LIPA: variants seen among roughly 807,000 people sequenced by gnomAD.
LIPA encodes the protein lysosomal acid lipase/cholesteryl ester hydrolase.
A neutral mutation model predicts 40.6 loss-of-function variants in LIPA; 26 were observed. That is an observed-to-expected ratio of 0.64 (90% CI 0.47 to 0.89). The LOEUF is 0.89. LIPA is among the 40% of genes least tolerant of loss of function. The pLI, the probability that LIPA is intolerant of heterozygous loss-of-function variation, is 0.00. For missense variants in LIPA, 455 were observed against 479.6 expected (o/e 0.95, Z 0.48); for synonymous variants, 188 against 168.4 (o/e 1.12, Z -0.90).
upstream of LIPA, among the ~76,000 whole-genome samples, chr10:89,344,497 T>C (rs1843900082): frequency 6.6e-6 from 1 of 152,196 alleles, no homozygotes; most frequent in Non-Finnish European, 1.5e-5. Flanking sequence ...CACATGCCTG[T>C]TTTTGGCTTT....
intron 2 of LIPA, chr10:89,393,042 T>A (rs767425468): frequency 1.5e-4 from 131 of 876,726 alleles, no homozygotes; most frequent in Non-Finnish European, 2.0e-4. Flanking sequence ...CCCATCAGAT[T>A]CACTTCTGTC....
chr10:89,364,277 A>G (rs564156322), intron 2 of LIPA, among the ~76,000 whole-genome samples: 3 of 152,198 alleles, frequency 2.0e-5, no homozygotes, highest in Non-Finnish European at 4.4e-5. Flanking sequence ...CACCTGCCAG[A>G]CCAATCAGAC....
At chr10:89,360,614 G>A (rs763308995) in intron 2 of LIPA, among the ~76,000 whole-genome samples, 6 of 152,136 alleles carry the variant, frequency 3.9e-5, no homozygotes, top group Non-Finnish European at 8.8e-5. Flanking sequence ...GGCTGGTCTC[G>A]AACTCCCAAC....
intron 1 of LIPA, among the ~76,000 whole-genome samples, chr10:89,310,736 C>T (rs1003795653): frequency 1.3e-5 from 2 of 152,108 alleles, no homozygotes; most frequent in African/African-American, 4.8e-5. Flanking sequence ...GAGAAGAGAC[C>T]AGAGGCAGGA....
intron 2 of LIPA, among the ~76,000 whole-genome samples, chr10:89,372,016 A>G (rs1844094696): frequency 6.6e-6 from 1 of 152,180 alleles, no homozygotes; most frequent in Non-Finnish European, 1.5e-5. Context: ...GTACATGTGG[A>G]CACAAAGAAG....
intron 1 of LIPA, among the ~76,000 whole-genome samples, chr10:89,272,547 C>T (rs1352081602): frequency 6.6e-6 from 1 of 152,166 alleles, no homozygotes; most frequent in Non-Finnish European, 1.5e-5. Flanking sequence ...AATAGTGCTG[C>T]AATGAACATA....
chr10:89,248,738 C>G (rs1720023601), intron 1 of LIPA, among the ~76,000 whole-genome samples: 1 of 151,476 alleles, frequency 6.6e-6, no homozygotes, highest in Non-Finnish European at 1.5e-5. Context: ...CCTCGGCCTC[C>G]CAAAGTGCTG....
At chr10:89,402,880 C>G in intron 2 of LIPA, 1 of 1,614,200 alleles carries the variant, frequency 6.2e-7, no homozygotes, top group Non-Finnish European at 8.5e-7. Flanking sequence ...AAGCCATTTT[C>G]TTTGCTTCCC....
chr10:89,255,264 CA>C (rs1843175025), upstream of LIPA, among the ~76,000 whole-genome samples: 1 of 152,182 alleles, frequency 6.6e-6, no homozygotes. Flanking sequence ...GGAGGCCTCA[CA>C]ATCATGGCAG....
At chr10:89,287,560 C>T (rs1412160450) in intron 1 of LIPA, among the ~76,000 whole-genome samples, 1 of 152,078 alleles carries the variant, frequency 6.6e-6, no homozygotes, top group Non-Finnish European at 1.5e-5. Flanking sequence ...TCATGTCTTC[C>T]TTTCATATCC....
At chr10:89,307,182 A>G in intron 1 of LIPA, 1 of 1,614,076 alleles carries the variant, frequency 6.2e-7, no homozygotes, top group Non-Finnish European at 8.5e-7. Flanking sequence ...AGGGAGAAAG[A>G]AAAGATGAAA....
intron 7 of LIPA, among the ~76,000 whole-genome samples, chr10:89,223,235 C>A (rs1842723303): frequency 6.6e-6 from 1 of 152,042 alleles, no homozygotes; most frequent in South Asian, 2.1e-4. Context: ...TTGCATGATG[C>A]TGAGATGCGG....
chr10:89,383,138 T>G (rs1383821042), intron 2 of LIPA, among the ~76,000 whole-genome samples: 1 of 152,238 alleles, frequency 6.6e-6, no homozygotes, highest in Non-Finnish European at 1.5e-5. Flanking sequence ...GCATTTCCCC[T>G]TGGTTTTTAT....
chr10:89,224,535 C>T (rs999622764), intron 6 of LIPA, among the ~76,000 whole-genome samples: 1 of 152,174 alleles, frequency 6.6e-6, no homozygotes, highest in Non-Finnish European at 1.5e-5. Context: ...CATAATAGAA[C>T]ATCTGGTCTT....
intron 7 of LIPA, 137 bp from the exon 8 acceptor site, chr10:89,222,719 A>C: frequency 1.4e-6 from 1 of 697,582 alleles, no homozygotes; most frequent in Non-Finnish European, 2.6e-6. Context: ...GGTAGAAAAA[A>C]ATTATTTGAC....
intron 2 of LIPA, among the ~76,000 whole-genome samples, chr10:89,407,158 G>A (rs1016970229): frequency 7.2e-5 from 11 of 152,174 alleles, no homozygotes; most frequent in African/African-American, 2.4e-4. Flanking sequence ...TCAGCTCTGG[G>A]GTCCTGACAA....
In LIPA at chr10:89,217,490, A is replaced by G. The variant is rs139009841; in HGVS notation, c.895-1481T>C. Among the ~76,000 whole-genome samples, 419 of 152,384 alleles carry G rather than the reference A, an allele frequency of 2.7e-3. 1 individual carries two copies. The highest frequency in any genetic ancestry group is 9.2e-3 in the African/African-American group (382 of 41,592). ...TATTCTGCCACTGAACACAGACAGC[A>G]GTTCATCACTTTGTCACATGTCCTT... is the stretch of plus-strand genomic sequence containing the variant. On this transcript the variant is annotated intron_variant, in intron 8 of 9. Coordinates refer to ENST00000336233, the MANE Select transcript of LIPA (RefSeq NM_000235.4).
At position 89,386,073 on chromosome 10, in the gene LIPA, G is replaced by C. The variant is rs370947055; in HGVS notation, c.61+26718C>G. On this transcript the variant is annotated intron_variant, in intron 2 of 8. Transcript: ENST00000371837. Reference sequence around the variant, plus strand: ...AGGCAGGGTCTTGTGATGTTGCTCAGGCTGGAGTTCAGTGGCTATTTACAA... The same window carrying C: ...AGGCAGGGTCTTGTGATGTTGCTCACGCTGGAGTTCAGTGGCTATTTACAA... 5.9e-5 allele frequency among the ~76,000 whole-genome samples: 9 copies of C among 152,190 alleles called. No individual in the cohort carries two copies. In the East Asian group the frequency reaches 9.7e-4, roughly 16 times the overall value.
chr10:89,414,062 T>C (rs990645162), intron 1 of LIPA, among the ~76,000 whole-genome samples: 4 of 152,220 alleles, frequency 2.6e-5, no homozygotes, highest in Non-Finnish European at 5.9e-5. Flanking sequence ...GGCGAAGGTA[T>C]GGAAGAGAAG....
Sources: allele counts gnomAD v4.1 joint callset (sites outside exome capture counted in the v4.1 genomes callset), GRCh38; gene constraint gnomAD v4.1.1; transcripts MANE v1.5; gene names NCBI Gene and HGNC (gene_info 2026-07-23, HGNC 2026-07-21).